Variants in NXPH2 observed in about 807,000 individuals in gnomAD.
NXPH2 encodes neurexophilin 2.
Under a neutral mutation model 19.8 loss-of-function variants are expected in NXPH2, and 5 were observed. The ratio of observed to expected loss-of-function variants is 0.25; its 90% CI spans 0.13 to 0.53. NXPH2 has a LOEUF of 0.53. Ranked by LOEUF, NXPH2 falls within the 20% of genes least tolerant of loss-of-function variation. The pLI, the probability that NXPH2 is intolerant of heterozygous loss-of-function variation, is 0.96. For missense variants in NXPH2, 289 were observed against 322.8 expected, an observed-to-expected ratio of 0.90 and a Z score of 0.80; for synonymous variants, 154 against 127.4, an observed-to-expected ratio of 1.21 and a Z score of -1.41.
At chr2:138,744,394 T>G (rs139499052) in intron 1 of NXPH2, among the ~76,000 whole-genome samples, 9 of 152,174 alleles carry the variant, frequency 5.9e-5, no homozygotes, top group Non-Finnish European at 1.0e-4. Flanking sequence ...TGAGAGAGAA[T>G]AGTAATGCAT....
chr2:138,671,262 C>G lies in NXPH2; in HGVS notation c.455G>C (p.Gly152Ala). Reference protein sequence around the residue: ...FSVYFRHNSTGLGNVSVSLVP... With the variant: ...FSVYFRHNSTALGNVSVSLVP... ...CAAGCTCACTGAAACATTGCCCAGG[C>G]CTGTTGAATTATGTCGGAAATACAC... Residue 152 changes from glycine (G) to alanine (A), a missense_variant, in exon 2 of 2, where the codon GGC becomes GCC. Transcript: ENST00000272641. 1 of 1,613,876 alleles carries G rather than the reference C, an allele frequency of 6.2e-7. No homozygotes were observed. The highest frequency in any genetic ancestry group is 8.5e-7 in the Non-Finnish European group (1 of 1,179,818).
At position 138,681,311 on chromosome 2, in the gene NXPH2, T is replaced by C. The variant is rs1003121292; in HGVS notation, c.52-9646A>G. 5.3e-5 allele frequency among the ~76,000 whole-genome samples: 8 copies of C among 152,308 alleles called. 1 individual carries two copies. Among genetic ancestry groups the C allele is most frequent in the Admixed American group, 2.6e-4 (4 of 15,292 alleles). On this transcript the variant is annotated intron_variant, in intron 1 of 1. Coordinates refer to ENST00000272641, the MANE Select transcript of NXPH2 (RefSeq NM_007226.3). ...CCATAGTTTTCACAGGGATTACTGA[T>C]TGTTCTAAATGGAAGGCAAAGCAAA...
chr2:138,705,964 A>G (rs577498062), intron 1 of NXPH2, among the ~76,000 whole-genome samples: 5 of 152,288 alleles, frequency 3.3e-5, no homozygotes, highest in African/African-American at 9.6e-5. Context: ...ATTCCCCATA[A>G]AAATGTAATA....
At chr2:138,703,063 G>A (rs1385319053) in intron 1 of NXPH2, among the ~76,000 whole-genome samples, 4 of 152,040 alleles carry the variant, frequency 2.6e-5, no homozygotes, top group Admixed American at 6.6e-5. Flanking sequence ...ATGTTCTCTC[G>A]CCTGTATTAA....
At chr2:138,733,817 C>T (rs917061078) in intron 1 of NXPH2, among the ~76,000 whole-genome samples, 13 of 152,118 alleles carry the variant, frequency 8.5e-5, no homozygotes, top group African/African-American at 2.9e-4. Context: ...TTCCTGAAGA[C>T]GCTGACCAGC....
intron 1 of NXPH2, among the ~76,000 whole-genome samples, chr2:138,677,101 C>A (rs1200902338): frequency 6.6e-6 from 1 of 152,190 alleles, no homozygotes; most frequent in Admixed American, 6.5e-5. Flanking sequence ...GGCTCTGAAT[C>A]TGTTGGTAAT....
chr2:138,767,048 T>C (rs1220194930), intron 1 of NXPH2, among the ~76,000 whole-genome samples: 4 of 152,214 alleles, frequency 2.6e-5, no homozygotes, highest in African/African-American at 7.2e-5. Context: ...TTGCCCACTT[T>C]TACCTCTTGT....
At chr2:138,732,435 A>C (rs1444114634) in intron 1 of NXPH2, among the ~76,000 whole-genome samples, 3 of 152,172 alleles carry the variant, frequency 2.0e-5, no homozygotes, top group Non-Finnish European at 4.4e-5. Context: ...CTGATGTGTG[A>C]GATTGCGAAG....
chr2:138,738,716 C>T (rs976295224), intron 1 of NXPH2, among the ~76,000 whole-genome samples: 4 of 152,186 alleles, frequency 2.6e-5, no homozygotes, highest in African/African-American at 9.6e-5. Context: ...TACACTGAAA[C>T]AAAGAGTCAG....
intron 1 of NXPH2, among the ~76,000 whole-genome samples, chr2:138,779,865 T>C (rs1682323200): frequency 6.6e-6 from 1 of 152,086 alleles, no homozygotes; most frequent in African/African-American, 2.4e-5. Context: ...ATCCTATCAA[T>C]TTACTTTCCT....
At chr2:138,738,571 A>T (rs1254677273) in intron 1 of NXPH2, among the ~76,000 whole-genome samples, 1 of 152,230 alleles carries the variant, frequency 6.6e-6, no homozygotes, top group Non-Finnish European at 1.5e-5. Flanking sequence ...TTTGTTCGGT[A>T]TAGATTTCCT....
chr2:138,671,701 T>A, intron 1 of NXPH2, 36 bp from the exon 2 acceptor site: 1 of 1,514,906 alleles, frequency 6.6e-7, no homozygotes, highest in Non-Finnish European at 8.8e-7. Context: ...AAACTTTAGG[T>A]TAGTGCCGTG....
At chr2:138,778,803 T>C (rs1266729068) in intron 1 of NXPH2, among the ~76,000 whole-genome samples, 1 of 152,202 alleles carries the variant, frequency 6.6e-6, no homozygotes, top group Non-Finnish European at 1.5e-5. Context: ...AGATGTAAAA[T>C]GTATTTTAAC....
At chr2:138,710,653 T>A (rs968131406) in intron 1 of NXPH2, among the ~76,000 whole-genome samples, 24 of 152,184 alleles carry the variant, frequency 1.6e-4, no homozygotes, top group African/African-American at 5.8e-4. Context: ...CTAGACTCTA[T>A]GAGATAAATT....
At chr2:138,690,037 C>T (rs139124998) in intron 1 of NXPH2, among the ~76,000 whole-genome samples, 30 of 152,254 alleles carry the variant, frequency 2.0e-4, no homozygotes, top group African/African-American at 6.3e-4. Context: ...TTCCCCTTAA[C>T]AATGTCTGTC....
chr2:138,716,933 T>C (rs2104991275), intron 1 of NXPH2, among the ~76,000 whole-genome samples: 1 of 152,350 alleles, frequency 6.6e-6, no homozygotes, highest in South Asian at 2.1e-4. Context: ...CTTTTGAGCC[T>C]GCAATTCCTC....
chr2:138,732,572 T>A (rs1681468735), intron 1 of NXPH2, among the ~76,000 whole-genome samples: 1 of 152,194 alleles, frequency 6.6e-6, no homozygotes, highest in Non-Finnish European at 1.5e-5. Flanking sequence ...GCTTCATTCC[T>A]GTGCCTAAAA....
intron 1 of NXPH2, among the ~76,000 whole-genome samples, chr2:138,721,621 T>A (rs533656574): frequency 2.6e-5 from 4 of 152,050 alleles, no homozygotes; most frequent in Non-Finnish European, 4.4e-5. Flanking sequence ...TAAGTCACAA[T>A]GGAAGAGATA....
At chr2:138,758,338 C>T (rs1681947734) in intron 1 of NXPH2, among the ~76,000 whole-genome samples, 1 of 152,118 alleles carries the variant, frequency 6.6e-6, no homozygotes, top group Non-Finnish European at 1.5e-5. Context: ...GATCACATTC[C>T]TCCATTCTTG....
Sources: gnomAD v4.1 joint callset for allele counts (sites outside exome capture counted in the v4.1 genomes callset) on GRCh38, gnomAD v4.1.1 for gene constraint, MANE v1.5 for transcripts, NCBI Gene and HGNC (gene_info 2026-07-23, HGNC 2026-07-21) for gene names.